The following RBFOX1 variants were observed in gnomAD, a reference collection of about 807,000 sequenced individuals.
The protein encoded by RBFOX1 is RNA binding protein fox-1 homolog 1.
A neutral mutation model predicts 57.7 loss-of-function variants in RBFOX1; 8 were observed. That is an observed-to-expected ratio of 0.14 (90% confidence interval 0.08 to 0.25). The LOEUF is 0.25. Ranked by LOEUF, RBFOX1 falls within the 10% of genes least tolerant of loss-of-function variation. The pLI, the probability that RBFOX1 is intolerant of heterozygous loss-of-function variation, is 1.00. For missense variants in RBFOX1, 611 were observed against 548.5 expected (o/e 1.11, Z -1.14); for synonymous variants, 326 against 222.4 (o/e 1.47, Z -4.15).
At chr16:5,531,869 A>G (rs1469413475) in intron 2 of RBFOX1, among the ~76,000 whole-genome samples, 1 of 148,550 alleles carries the variant, frequency 6.7e-6, no homozygotes, top group African/African-American at 2.5e-5. Flanking sequence ...TGGTGCGATT[A>G]CAGCTCACTG....
intron 4 of RBFOX1, among the ~76,000 whole-genome samples, chr16:5,914,103 G>C (rs1399622366): frequency 6.6e-6 from 1 of 152,164 alleles, no homozygotes; most frequent in Non-Finnish European, 1.5e-5. Flanking sequence ...CTTTCAAGCT[G>C]TGTTGTCTCA....
At chr16:7,553,478 C>T (rs1008300377) in intron 5 of RBFOX1, among the ~76,000 whole-genome samples, 7 of 152,172 alleles carry the variant, frequency 4.6e-5, no homozygotes, top group Non-Finnish European at 7.3e-5. Flanking sequence ...GTATACATAG[C>T]CTAAGATCTT....
chr16:6,738,177 C>T (rs1053562460), intron 3 of RBFOX1, among the ~76,000 whole-genome samples: 5 of 151,310 alleles, frequency 3.3e-5, no homozygotes, highest in African/African-American at 9.7e-5. Flanking sequence ...ATGATCAAAA[C>T]ACATGGAACA....
chr16:5,904,304 G>A (rs752449327), intron 4 of RBFOX1, among the ~76,000 whole-genome samples: 9 of 152,058 alleles, frequency 5.9e-5, no homozygotes, highest in Non-Finnish European at 1.2e-4. Flanking sequence ...TTGTAAGTCA[G>A]GCCAGCAGAA....
intron 2 of RBFOX1, among the ~76,000 whole-genome samples, chr16:6,548,521 A>C (rs2096926483): frequency 6.6e-6 from 1 of 152,232 alleles, no homozygotes. Context: ...CCAAGTGAAA[A>C]AAGAAATTTT....
intron 5 of RBFOX1, among the ~76,000 whole-genome samples, chr16:7,551,630 A>G (rs1326372277): frequency 6.6e-6 from 1 of 152,172 alleles, no homozygotes; most frequent in Non-Finnish European, 1.5e-5. Flanking sequence ...ATGCAGTGGA[A>G]TACTGTGACC....
At chr16:6,346,511 T>A (rs1479277716) in intron 2 of RBFOX1, among the ~76,000 whole-genome samples, 7 of 152,168 alleles carry the variant, frequency 4.6e-5, no homozygotes, top group African/African-American at 1.7e-4. Context: ...AAGGCTGATC[T>A]GTAACTAATC....
intron 2 of RBFOX1, among the ~76,000 whole-genome samples, chr16:6,534,907 A>C (rs2096714371): frequency 6.6e-6 from 1 of 152,184 alleles, no homozygotes; most frequent in Admixed American, 6.5e-5. Flanking sequence ...CCTAGTGGTC[A>C]AGCCTGGTCA....
intron 2 of RBFOX1, among the ~76,000 whole-genome samples, chr16:6,329,347 A>G (rs2082738287): frequency 6.6e-6 from 1 of 152,186 alleles, no homozygotes; most frequent in African/African-American, 2.4e-5. Context: ...TACAGATGAG[A>G]AAACTGGAAC....
At chr16:6,863,320 T>C (rs1477834266) in intron 3 of RBFOX1, among the ~76,000 whole-genome samples, 1 of 151,994 alleles carries the variant, frequency 6.6e-6, no homozygotes. Context: ...TCAAGATGAA[T>C]GGGTAGAGAC....
chr16:7,213,570 A>G (rs944759788), intron 4 of RBFOX1, among the ~76,000 whole-genome samples: 6 of 149,556 alleles, frequency 4.0e-5, no homozygotes, highest in Non-Finnish European at 8.9e-5. Context: ...AAAAAAAAAC[A>G]CAAACAAGGT....
chr16:6,800,097 AG>A (rs1293250218), intron 3 of RBFOX1, among the ~76,000 whole-genome samples: 8 of 152,246 alleles, frequency 5.3e-5, no homozygotes, highest in Non-Finnish European at 1.0e-4. Context: ...TGGTGCTGGT[AG>A]GATTGTCTTA....
intron 2 of RBFOX1, among the ~76,000 whole-genome samples, chr16:6,384,269 A>G (rs564312517): frequency 1.3e-5 from 2 of 152,148 alleles, no homozygotes; most frequent in Non-Finnish European, 1.5e-5. Context: ...TCAGCAATGA[A>G]TCCTGTTTGA....
rs544054215 is a variant in RBFOX1, at chr16:7,314,979, A to C, written c.28-203168A>C. On this transcript the variant is annotated intron_variant, in intron 4 of 15. Coordinates refer to ENST00000550418, the MANE Select transcript of RBFOX1 (RefSeq NM_018723.4). ...CTTGAGTAAGCCACAGAAAGCTCTA[A>C]TTTTAACCTCCGCTTTTATTTTTTT... Among the ~76,000 whole-genome samples the C allele has an allele frequency of 6.6e-5, 10 of 152,284 alleles. No individual in the cohort carries two copies. In the South Asian group the frequency reaches 2.1e-3, roughly 32 times the overall value.
intron 4 of RBFOX1, among the ~76,000 whole-genome samples, chr16:7,207,360 C>T (rs1603140874): frequency 6.6e-6 from 1 of 152,154 alleles, no homozygotes; most frequent in African/African-American, 2.4e-5. Context: ...TCCACTGTCC[C>T]TTCCAAGAAT....
At chr16:7,682,229 C>G (rs565346217) in intron 14 of RBFOX1, among the ~76,000 whole-genome samples, 9 of 152,260 alleles carry the variant, frequency 5.9e-5, no homozygotes, top group African/African-American at 2.2e-4. Context: ...TTATGCTAGA[C>G]TCTGTATCAT....
intron 10 of RBFOX1, among the ~76,000 whole-genome samples, chr16:7,608,461 C>A (rs1466315331): frequency 6.6e-6 from 1 of 152,198 alleles, no homozygotes; most frequent in African/African-American, 2.4e-5. Context: ...TTACCGGGAG[C>A]CTGGGTTAAG....
At chr16:5,805,857 A>G (rs1175774385) in intron 3 of RBFOX1, among the ~76,000 whole-genome samples, 3 of 152,192 alleles carry the variant, frequency 2.0e-5, no homozygotes, top group Middle Eastern at 6.3e-3. Context: ...CAAACTCAGT[A>G]GGGAAGGGGA....
At chr16:6,750,983 G>C (rs1028076072) in intron 3 of RBFOX1, among the ~76,000 whole-genome samples, 2 of 152,004 alleles carry the variant, frequency 1.3e-5, no homozygotes, top group Non-Finnish European at 2.9e-5. Flanking sequence ...GTGCCAACTG[G>C]CCAAAAAGAG....
Sources: gnomAD v4.1 joint callset for allele counts (sites outside exome capture counted in the v4.1 genomes callset) on GRCh38, gnomAD v4.1.1 for gene constraint, MANE v1.5 for transcripts, NCBI Gene and HGNC (gene_info 2026-07-23, HGNC 2026-07-21) for gene names.